Variants in ADAM12 observed in about 807,000 individuals in gnomAD.
ADAM12 encodes the protein ADAM metallopeptidase domain 12.
ADAM12 carries 70 observed loss-of-function variants against 106.4 expected under a neutral mutation model. The ratio of observed to expected loss-of-function variants is 0.66; its 90% CI spans 0.54 to 0.80. The LOEUF is 0.80. ADAM12 is among the 30% of genes least tolerant of loss of function. ADAM12 has a pLI of 0.00. For synonymous variants in ADAM12, 420 were observed against 433.5 expected (o/e 0.97, Z 0.39); for missense variants, 1,010 against 1,171.9 (o/e 0.86, Z 2.02).
chr10:126,279,006 A>G lies in ADAM12; in HGVS notation c.187-18T>C. 1 of 1,604,204 alleles carries G rather than the reference A, an allele frequency of 6.2e-7. No homozygotes were observed. The highest frequency in any genetic ancestry group is 1.3e-5 in the African/African-American group (1 of 74,878). ...GGATGATTCTGAAAGATAAACAACAAAAGTCAGTTGAAAAACGCTTGGCTT... is the reference window on the plus strand; with the variant it reads ...GGATGATTCTGAAAGATAAACAACAGAAGTCAGTTGAAAAACGCTTGGCTT... On this transcript the variant is annotated intron_variant, in intron 2 of 22. Coordinates refer to ENST00000448723, the MANE Select transcript of ADAM12 (RefSeq NM_001288973.2).
intron 3 of ADAM12, among the ~76,000 whole-genome samples, chr10:126,157,557 C>G (rs772730263): frequency 1.9e-4 from 29 of 152,210 alleles, no homozygotes; most frequent in Non-Finnish European, 3.4e-4. Flanking sequence ...CAGTTAGACC[C>G]CGATGGCAGG....
At chr10:126,382,501 T>C (rs967061504) in intron 1 of ADAM12, among the ~76,000 whole-genome samples, 5 of 152,226 alleles carry the variant, frequency 3.3e-5, no homozygotes, top group South Asian at 2.1e-4. Flanking sequence ...CAGGCTTAAA[T>C]TGCCAGAGTG....
Position 126,178,406 on chromosome 10 carries a change from A to ACC in ADAM12, c.261-23102_261-23101insGG, listed in dbSNP as rs1554982133. Among the ~76,000 whole-genome samples, 326 of 120,776 alleles carry ACC rather than the reference A, an allele frequency of 2.7e-3. 2 individuals carry two copies. Among genetic ancestry groups the ACC allele is most frequent in the African/African-American group, 0.011 (306 of 27,844 alleles). 79.2% of individuals were successfully genotyped at this position (120,776 alleles called of 152,430 possible). A position where few individuals can be genotyped will look rare whatever the true frequency, so the allele number is the denominator to read the frequency against. On this transcript the variant is annotated intron_variant, in intron 3 of 22. Transcript: ENST00000448723. ...CTTACCTTAGTCCTCATTGGAGGAC[A>ACC]TCTTTTTTTTTTTTTTTTTTTTTTT...
chr10:126,278,951 T>A lies in ADAM12; in HGVS notation c.224A>T (p.Glu75Val). Residue 75 changes from glutamate (E) to valine (V), a missense_variant, in exon 3 of 23, where the codon GAA becomes GTA. Glu to Val is a moderately radical substitution (Grantham distance 121, BLOSUM62 -2). Around this residue, in one of 3 missense-constraint regions of ADAM12, gnomAD observed 391 missense variants for 442.9 expected, o/e 0.88. Transcript: ENST00000448723. ...CAGATTTATGATCAGTTCTTTGCTT[T>A]CCCGTTGTAGTCGAATATTCAGCAC... ...PEVLNIRLQR[E>V]SKELIINLER... The A allele has an allele frequency of 6.2e-7, 1 of 1,613,346 alleles. No individual in the cohort carries two copies. Among genetic ancestry groups the A allele is most frequent in the Non-Finnish European group, 8.5e-7 (1 of 1,179,448 alleles).
At chr10:126,205,534 C>G (rs1329668068) in intron 3 of ADAM12, among the ~76,000 whole-genome samples, 1 of 152,212 alleles carries the variant, frequency 6.6e-6, no homozygotes, top group Non-Finnish European at 1.5e-5. Context: ...TCAGCCCATG[C>G]CAGCTCAGGA....
In ADAM12 at chr10:126,064,813, C is replaced by T. The variant is rs760388599; in HGVS notation, c.1602G>A (p.Trp534Ter). 2 of 1,605,062 alleles carry T rather than the reference C, an allele frequency of 1.2e-6. No individual in the cohort carries two copies. Among genetic ancestry groups the T allele is most frequent in the Non-Finnish European group, 1.7e-6 (2 of 1,176,218 alleles). Reference sequence around the variant, plus strand: ...CTTGTGGCGGCCACGTACCTGGTCCCCAGAGCGTGACACACTGCTGCTCGT... The same window carrying T: ...CTTGTGGCGGCCACGTACCTGGTCCTCAGAGCGTGACACACTGCTGCTCGT... ...QTHEQQCVTLWGPGAKPAPGI... is the reference protein window; with the variant it reads ...QTHEQQCVTL Residue 534 changes from tryptophan (W) to a stop codon, truncating the protein, a stop_gained, in exon 14 of 23, where the codon TGG (tryptophan) becomes TGA (stop). Coordinates refer to ENST00000448723, the MANE Select transcript of ADAM12 (RefSeq NM_001288973.2). LOFTEE classifies it high-confidence loss of function. This position sits in a 1 kb window ranked among gnomAD's most constrained non-coding sequence, Gnocchi z 4.4.
chr10:126,227,269 CCAT>C (rs1308717845), intron 3 of ADAM12, among the ~76,000 whole-genome samples: 3 of 152,282 alleles, frequency 2.0e-5, no homozygotes, highest in South Asian at 2.1e-4. Flanking sequence ...GCCATCATTA[CCAT>C]CATCATCGTC....
intron 4 of ADAM12, among the ~76,000 whole-genome samples, chr10:126,144,380 C>G (rs1008683800): frequency 1.3e-5 from 2 of 152,172 alleles, no homozygotes; most frequent in African/African-American, 2.4e-5. Context: ...TGTTACAAAT[C>G]TGGAATACGA....
chr10:126,282,831 C>T (rs1319642820), intron 2 of ADAM12, among the ~76,000 whole-genome samples: 2 of 151,854 alleles, frequency 1.3e-5, no homozygotes, highest in South Asian at 2.1e-4. Flanking sequence ...CACCAGTGGC[C>T]GGTTTTGTGG....
chr10:126,382,450 A>G (rs1309563905), intron 1 of ADAM12, among the ~76,000 whole-genome samples: 2 of 152,252 alleles, frequency 1.3e-5, no homozygotes, highest in Non-Finnish European at 1.5e-5. Flanking sequence ...TAACGGCAAC[A>G]CTATCTTCTT....
chr10:126,093,589 A>C (rs1955504044), intron 11 of ADAM12, among the ~76,000 whole-genome samples: 1 of 151,638 alleles, frequency 6.6e-6, no homozygotes, highest in Non-Finnish European at 1.5e-5. Context: ...CACTCTGCCC[A>C]GTGAGTTTAC....
intron 1 of ADAM12, among the ~76,000 whole-genome samples, chr10:126,336,277 T>G (rs1347803043): frequency 6.6e-6 from 1 of 152,196 alleles, no homozygotes; most frequent in Non-Finnish European, 1.5e-5. Flanking sequence ...TGAAGTCTAC[T>G]AAGAATAATT....
chr10:126,206,332 C>T (rs969538664), intron 3 of ADAM12, among the ~76,000 whole-genome samples: 4 of 152,238 alleles, frequency 2.6e-5, no homozygotes, highest in Admixed American at 1.3e-4. Flanking sequence ...AATCCCAAAA[C>T]GATAGACGAT....
chr10:126,191,254 A>T (rs1006508537), intron 3 of ADAM12, among the ~76,000 whole-genome samples: 2 of 151,978 alleles, frequency 1.3e-5, no homozygotes, highest in African/African-American at 4.8e-5. Context: ...TGCCTGCCTC[A>T]GCCTCTCAAA....
rs536444005 is a variant in ADAM12, at chr10:126,238,009, C to T, written c.260+40906G>A. On this transcript the variant is annotated intron_variant, in intron 3 of 22. Coordinates refer to ENST00000448723, the MANE Select transcript of ADAM12 (RefSeq NM_001288973.2). ...TGAAAGTGTTGGCCCTGCGATGGTA[C>T]GGAAGAAAACAAAGCAACGACAATT... Among the ~76,000 whole-genome samples the T allele has an allele frequency of 1.3e-3, 203 of 152,112 alleles. 1 individual carries two copies. Among genetic ancestry groups the T allele is most frequent in the East Asian group, 2.9e-3 (15 of 5,174 alleles).
chr10:126,297,605 C>T (rs904364134), intron 2 of ADAM12, among the ~76,000 whole-genome samples: 3 of 152,154 alleles, frequency 2.0e-5, no homozygotes, highest in Admixed American at 6.5e-5. Context: ...ATTCCACAGT[C>T]ATTAAGCTGA....
At chr10:126,347,214 C>G (rs546677640) in intron 1 of ADAM12, among the ~76,000 whole-genome samples, 3 of 152,218 alleles carry the variant, frequency 2.0e-5, no homozygotes, top group Admixed American at 6.5e-5. Context: ...TTAGGGCAGG[C>G]TGGTGGTGAC....
chr10:126,017,670 C>T (rs547259816), intron 22 of ADAM12, among the ~76,000 whole-genome samples: 1 of 152,302 alleles, frequency 6.6e-6, no homozygotes, highest in Non-Finnish European at 1.5e-5. Context: ...ATTATTTCAA[C>T]AGGTCATCAT....
At chr10:126,135,720 T>C in intron 4 of ADAM12, 60 bp from the exon 5 acceptor site, 1 of 1,380,586 alleles carries the variant, frequency 7.2e-7, no homozygotes, top group Non-Finnish European at 1.0e-6. Context: ...CCACTTATAA[T>C]AAATCAACTG....
Sources: gnomAD v4.1 joint callset for allele counts (sites outside exome capture counted in the v4.1 genomes callset) on GRCh38, gnomAD v4.1.1 for gene constraint, gnomAD v4.1.1 regional missense constraint, Gnocchi (gnomAD v3.1) non-coding constraint, MANE v1.5 for transcripts, NCBI Gene and HGNC (gene_info 2026-07-23, HGNC 2026-07-21) for gene names.